The following DHX33 variants were observed in gnomAD, a reference collection of about 807,000 sequenced individuals.
The protein encoded by DHX33 is ATP-dependent RNA helicase DHX33.
Under a neutral mutation model 72.5 loss-of-function variants are expected in DHX33, and 42 were observed. That is an observed-to-expected ratio of 0.58 (90% CI 0.45 to 0.75). The LOEUF is 0.75. DHX33 is among the 30% of genes least tolerant of loss of function. The pLI is 0.00. For missense variants in DHX33, 842 were observed against 917.5 expected (o/e 0.92, Z 1.06); for synonymous variants, 358 against 366.1 (o/e 0.98, Z 0.25).
chr17:5,465,635 A>T (rs1463709614), intron 1 of DHX33, among the ~76,000 whole-genome samples: 1 of 152,200 alleles, frequency 6.6e-6, no homozygotes, highest in Non-Finnish European at 1.5e-5. Flanking sequence ...CCCATTCTTG[A>T]CTTCGGATTT....
At position 5,450,859 on chromosome 17, in the gene DHX33, G is replaced by A. The variant is rs1916870896; in HGVS notation, c.1472C>T (p.Thr491Ile). Reference protein sequence around the residue: ...LEHKDDQLTLTPMGRKMAAFP... With the variant: ...LEHKDDQLTLIPMGRKMAAFP... ...TGCTGCCATCTTTCTTCCCATTGGA[G>A]TCAGGGTAAGCTGGTCATCCTTATG... is the stretch of plus-strand genomic sequence containing the variant. Residue 491 changes from threonine (T) to isoleucine (I), a missense_variant, in exon 9 of 12, where the codon ACT becomes ATT. Coordinates refer to ENST00000225296, the MANE Select transcript of DHX33 (RefSeq NM_020162.4). 1 of 1,614,182 alleles carries A rather than the reference G, an allele frequency of 6.2e-7. No individual in the cohort carries two copies. Among genetic ancestry groups the A allele is most frequent in the South Asian group, 1.1e-5 (1 of 91,086 alleles).
intron 10 of DHX33, 29 bp from the exon 11 acceptor site, chr17:5,448,924 T>C (rs888556673): frequency 6.5e-7 from 1 of 1,543,860 alleles, no homozygotes; most frequent in Non-Finnish European, 8.9e-7. Flanking sequence ...GATATCACAA[T>C]CCACTCATTC....
At chr17:5,448,282 C>T (rs1038954282) in intron 11 of DHX33, among the ~76,000 whole-genome samples, 46 of 152,148 alleles carry the variant, frequency 3.0e-4, no homozygotes, top group African/African-American at 1.0e-3. Flanking sequence ...TGCACGTATC[C>T]GTTATGTGTG....
chr17:5,450,423 A>T lies in DHX33; in HGVS notation c.1525-17T>A. The T allele has an allele frequency of 6.2e-7, 1 of 1,611,648 alleles. No homozygotes were observed. The highest frequency in any genetic ancestry group is 1.1e-5 in the South Asian group (1 of 90,990). Reference sequence around the variant, plus strand: ...GAGGATGGTCTGCAAAGCAAAATTTAAAATTGTGTAAACCCAGCTTTCTCC... The same window carrying T: ...GAGGATGGTCTGCAAAGCAAAATTTTAAATTGTGTAAACCCAGCTTTCTCC... On this transcript the variant is annotated splice_polypyrimidine_tract_variant and intron_variant, in intron 9 of 11. Coordinates refer to ENST00000225296, the MANE Select transcript of DHX33 (RefSeq NM_020162.4).
chr17:5,462,881 C>T (rs1271318551), intron 2 of DHX33, among the ~76,000 whole-genome samples: 1 of 151,950 alleles, frequency 6.6e-6, no homozygotes, highest in African/African-American at 2.4e-5. Flanking sequence ...AGTTTGAGAC[C>T]AGCCTGACCA....
At chr17:5,454,424 T>C (rs923210902) in intron 6 of DHX33, among the ~76,000 whole-genome samples, 2 of 152,162 alleles carry the variant, frequency 1.3e-5, no homozygotes, top group Non-Finnish European at 2.9e-5. Flanking sequence ...CTTGTGTGCT[T>C]TATCCTCCCT....
chr17:5,453,730 C>T, intron 7 of DHX33, 62 bp from the exon 8 acceptor site: 3 of 1,611,948 alleles, frequency 1.9e-6, no homozygotes, highest in Non-Finnish European at 1.7e-6. Context: ...CAGAACCCCT[C>T]ATGGTGGAGT....
At position 5,441,049 on chromosome 17, in the gene DHX33, GA is replaced by G. The variant is rs1436852764; in HGVS notation, c.*3155del. ...ATACAACATAAGCCTGAACCTACTT[GA>G]TTTTTTTTTCTCCCTCTAGTTACCA... On this transcript the variant is annotated 3_prime_UTR_variant, in exon 12 of 12. Transcript: ENST00000225296. 6.6e-6 allele frequency: 1 copy of G among 151,544 alleles called. No homozygotes were observed. Among genetic ancestry groups the G allele is most frequent in the South Asian group, 2.1e-4 (1 of 4,826 alleles). The allele number at this position is 151,544 out of a possible 1,614,324, so 9.4% of individuals were successfully genotyped here. A position where few individuals can be genotyped will look rare whatever the true frequency, so the allele number is the denominator to read the frequency against.
Position 5,468,815 on chromosome 17 carries a change from T to C in DHX33, c.45A>G (p.Pro15=), listed in dbSNP as rs936486743. Residue 15 remains proline, a synonymous_variant, in exon 1 of 12, where the codon CCA becomes CCG. Coordinates refer to ENST00000225296, the MANE Select transcript of DHX33 (RefSeq NM_020162.4). ...CAGCGCGGCTCGGAGGTCCAGAGCCTGGCCGGAATCTCTTGGCCGGCGGGA... is the reference window on the plus strand; with the variant it reads ...CAGCGCGGCTCGGAGGTCCAGAGCCCGGCCGGAATCTCTTGGCCGGCGGGA... The part of the protein sequence containing the change: ...AGFPPAKRFR[P]GSGPPSRAGS... 2 of 1,584,942 alleles carry C rather than the reference T, an allele frequency of 1.3e-6. No individual in the cohort carries two copies. The highest frequency in any genetic ancestry group is 1.8e-5 in the Admixed American group (1 of 55,438).
intron 4 of DHX33, among the ~76,000 whole-genome samples, chr17:5,459,478 G>A (rs554778812): frequency 9.9e-5 from 15 of 151,808 alleles, no homozygotes; most frequent in African/African-American, 3.4e-4. Context: ...TCTGTTTCCC[G>A]GGCTGGAGTG....
intron 10 of DHX33, 149 bp from the exon 11 acceptor site, chr17:5,449,044 T>G: frequency 4.1e-6 from 2 of 490,556 alleles, no homozygotes; most frequent in Non-Finnish European, 3.6e-6. Flanking sequence ...GCCTCCCAGA[T>G]AGCTTGAACT....
chr17:5,455,916 C>G (rs1917169558), intron 5 of DHX33, 81 bp downstream of exon 5: 1 of 1,441,222 alleles, frequency 6.9e-7, no homozygotes, highest in Non-Finnish European at 9.4e-7. Flanking sequence ...TTATCTGGAG[C>G]CTGGTAACAG....
rs778355708 is a variant in DHX33, at chr17:5,468,926, A to G, written c.-67T>C. On this transcript the variant is annotated 5_prime_UTR_variant, in exon 1 of 12. Transcript: ENST00000225296. ...TCCTGCCCCCTCTCAGGTGCAGACA[A>G]CAGGAGCACACCGCCCCTTCCTCGC... is the stretch of plus-strand genomic sequence containing the variant. 1.5e-5 allele frequency: 22 copies of G among 1,508,660 alleles called. No individual in the cohort carries two copies. The Admixed American group carries it at 2.4e-4, about 16-fold the overall frequency. The allele number at this position is 1,508,660 out of a possible 1,614,324, so 93.5% of individuals were successfully genotyped here.
At chr17:5,462,796 T>G (rs961619907) in intron 2 of DHX33, among the ~76,000 whole-genome samples, 1 of 152,096 alleles carries the variant, frequency 6.6e-6, no homozygotes, top group African/African-American at 2.4e-5. Context: ...TAGTTTCATG[T>G]GGGCCGGGTG....
intron 6 of DHX33, among the ~76,000 whole-genome samples, chr17:5,454,235 G>A (rs547859728): frequency 3.3e-5 from 5 of 152,160 alleles, no homozygotes; most frequent in Admixed American, 6.5e-5. Context: ...AGCAAGGGGC[G>A]AGAAGAGTAG....
chr17:5,453,467 C>G (rs1007428960), intron 8 of DHX33, 113 bp downstream of exon 8: 1 of 839,324 alleles, frequency 1.2e-6, no homozygotes, highest in African/African-American at 1.7e-5. Context: ...TTGTCATCCA[C>G]AAAATTAAAT....
chr17:5,454,268 G>A (rs547653654), intron 6 of DHX33, among the ~76,000 whole-genome samples: 1 of 152,296 alleles, frequency 6.6e-6, no homozygotes, highest in East Asian at 1.9e-4. Context: ...TGCCTTAGAT[G>A]GTAGGATGGC....
rs927829638 is a variant in DHX33 at position 5,441,859 on chromosome 17, T to C, written c.*2346A>G. ...CCGGAAACTGTTCAGGTACTTAAGC[T>C]GGACATAAATTACCCCAAGTTTTTT... On this transcript the variant is annotated 3_prime_UTR_variant, in exon 12 of 12. Transcript: ENST00000225296. 5.9e-5 allele frequency: 9 copies of C among 152,204 alleles called. No individual in the cohort carries two copies. The highest frequency in any genetic ancestry group is 1.9e-4 in the African/African-American group (8 of 41,454). 9.4% of individuals were successfully genotyped at this position (152,204 alleles called of 1,614,324 possible). A position where few individuals can be genotyped will look rare whatever the true frequency, so the allele number is the denominator to read the frequency against.
intron 1 of DHX33, among the ~76,000 whole-genome samples, chr17:5,466,780 A>C (rs1317795049): frequency 6.6e-6 from 1 of 152,234 alleles, no homozygotes; most frequent in African/African-American, 2.4e-5. Context: ...CTTCTGTCTA[A>C]GTCCTAGGCT....
Sources: allele counts gnomAD v4.1 joint callset (sites outside exome capture counted in the v4.1 genomes callset), GRCh38; gene constraint gnomAD v4.1.1; transcripts MANE v1.5; gene names NCBI Gene and HGNC (gene_info 2026-07-23, HGNC 2026-07-21).